Variants in TMEM132D observed in about 807,000 individuals in gnomAD.
TMEM132D encodes transmembrane protein 132D.
TMEM132D carries 21 observed loss-of-function variants against 62.3 expected under a neutral mutation model. The observed-to-expected ratio is 0.34, with a 90% CI of 0.24 to 0.49. The LOEUF is 0.49. TMEM132D is among the 20% of genes least tolerant of loss of function. The probability of loss-of-function intolerance (pLI) is 0.99; values close to 1 mark genes in which losing one functional copy is unlikely to be tolerated. For missense variants in TMEM132D, 1,346 were observed against 1,402.8 expected, an observed-to-expected ratio of 0.96 and a Z score of 0.65; for synonymous variants, 621 against 575.6, an observed-to-expected ratio of 1.08 and a Z score of -1.13.
At chr12:129,709,593 A>G (rs1167037995) in intron 1 of TMEM132D, among the ~76,000 whole-genome samples, 7 of 152,218 alleles carry the variant, frequency 4.6e-5, no homozygotes, top group African/African-American at 1.4e-4. Flanking sequence ...GATTCACCGG[A>G]GTGTGCCTCC....
intron 2 of TMEM132D, among the ~76,000 whole-genome samples, chr12:129,616,345 G>A (rs1001111883): frequency 2.0e-5 from 3 of 152,120 alleles, no homozygotes; most frequent in Non-Finnish European, 2.9e-5. Context: ...AGATATTATC[G>A]GGAGAGGGAC....
intron 4 of TMEM132D, among the ~76,000 whole-genome samples, chr12:129,303,668 A>T (rs1881773612): frequency 6.6e-6 from 1 of 152,180 alleles, no homozygotes; most frequent in Admixed American, 6.5e-5. Context: ...AGCAGAGCCA[A>T]CAGGATATAC....
At chr12:129,786,671 A>T (rs1030214548) in intron 1 of TMEM132D, among the ~76,000 whole-genome samples, 2 of 152,200 alleles carry the variant, frequency 1.3e-5, no homozygotes, top group African/African-American at 2.4e-5. Context: ...CGGGCAGATC[A>T]CCTGAGGTCG....
At chr12:129,406,259 A>G (rs1446370519) in intron 3 of TMEM132D, among the ~76,000 whole-genome samples, 1 of 152,226 alleles carries the variant, frequency 6.6e-6, no homozygotes, top group African/African-American at 2.4e-5. Flanking sequence ...TTACAAAAAT[A>G]TATCCATATA....
At chr12:129,828,738 A>G (rs1475286766) in intron 1 of TMEM132D, among the ~76,000 whole-genome samples, 2 of 7,060 alleles carry the variant, frequency 2.8e-4, no homozygotes, top group African/African-American at 6.1e-4. Flanking sequence ...GAGGGAGGAA[A>G]GGAGGGAGGG....
At position 129,870,274 on chromosome 12, in the gene TMEM132D, T is replaced by C. The variant is rs141665317; in HGVS notation, c.79+32987A>G. On this transcript the variant is annotated intron_variant, in intron 1 of 8. Coordinates refer to ENST00000422113, the MANE Select transcript of TMEM132D (RefSeq NM_133448.3). ...CTGAGATTACAGGCATGAGCCACCA[T>C]GCCAGCCACGCCTGGGTTTATGCTA... Among the ~76,000 whole-genome samples the C allele has an allele frequency of 1.6e-3, 244 of 152,240 alleles. 3 individuals carry two copies. The highest frequency in any genetic ancestry group is 5.3e-3 in the African/African-American group (220 of 41,552).
intron 4 of TMEM132D, among the ~76,000 whole-genome samples, chr12:129,332,329 G>GA (rs1272466889): frequency 6.6e-6 from 1 of 151,854 alleles, no homozygotes; most frequent in Non-Finnish European, 1.5e-5. Context: ...ACATTAGGGG[G>GA]AAAAAAGGCA....
chr12:129,088,013 C>CG lies in TMEM132D; in HGVS notation c.1444-3312dup, dbSNP rs750207779. Among the ~76,000 whole-genome samples the CG allele has an allele frequency of 4.5e-4, 24 of 53,152 alleles. 1 individual carries two copies. Among genetic ancestry groups the CG allele is most frequent in the African/African-American group, 1.0e-3 (16 of 16,066 alleles). The allele number at this position is 53,152 out of a possible 152,430, so 34.9% of individuals were successfully genotyped here. A position where few individuals can be genotyped will look rare whatever the true frequency, so the allele number is the denominator to read the frequency against. ...CCATGACCGGGGTGTCCTCCATGAC[C>CG]GGGTGTCCTCCATGACCGGGGTGTC... On this transcript the variant is annotated intron_variant, in intron 5 of 8. Transcript: ENST00000422113.
intron 2 of TMEM132D, among the ~76,000 whole-genome samples, chr12:129,542,055 C>T (rs1876597434): frequency 6.6e-6 from 1 of 152,182 alleles, no homozygotes; most frequent in African/African-American, 2.4e-5. Flanking sequence ...TCTAATCAGC[C>T]TCATAAGTTC....
At chr12:129,885,469 G>A (rs989373771) in intron 1 of TMEM132D, among the ~76,000 whole-genome samples, 1 of 152,174 alleles carries the variant, frequency 6.6e-6, no homozygotes, top group African/African-American at 2.4e-5. Context: ...CCAATGCTTG[G>A]AACTGATCCT....
At chr12:129,683,871 T>A (rs1286640755) in intron 2 of TMEM132D, among the ~76,000 whole-genome samples, 2 of 152,138 alleles carry the variant, frequency 1.3e-5, no homozygotes, top group Non-Finnish European at 2.9e-5. Flanking sequence ...CTGGATGCAG[T>A]GATGACCCAA....
intron 2 of TMEM132D, among the ~76,000 whole-genome samples, chr12:129,642,596 C>G (rs1408230341): frequency 6.6e-6 from 1 of 152,206 alleles, no homozygotes; most frequent in Non-Finnish European, 1.5e-5. Flanking sequence ...TGGCTCTATC[C>G]TTTGGGGTAG....
chr12:129,258,448 T>C (rs540169083), intron 4 of TMEM132D, among the ~76,000 whole-genome samples: 2 of 152,276 alleles, frequency 1.3e-5, no homozygotes, highest in South Asian at 2.1e-4. Context: ...TATCCTCAAA[T>C]TGAGAAATAA....
chr12:129,559,449 A>G (rs1290239599), intron 2 of TMEM132D, among the ~76,000 whole-genome samples: 2 of 152,236 alleles, frequency 1.3e-5, no homozygotes, highest in Non-Finnish European at 2.9e-5. Flanking sequence ...TCGTAGATGA[A>G]CAATCACAGC....
intron 5 of TMEM132D, among the ~76,000 whole-genome samples, chr12:129,125,500 GTTTTTTTTT>G (rs397850884): frequency 1.9e-5 from 1 of 53,894 alleles, no homozygotes; most frequent in African/African-American, 5.4e-5. Context: ...ATTACTATGA[GTTTTTTTTT>G]TTTTTTTTTT....
chr12:129,596,393 T>C (rs1173718712), intron 2 of TMEM132D, among the ~76,000 whole-genome samples: 1 of 152,150 alleles, frequency 6.6e-6, no homozygotes, highest in Admixed American at 6.5e-5. Context: ...TATACATGAA[T>C]ATACATGTAT....
chr12:129,268,913 G>A (rs1011094367), intron 4 of TMEM132D, among the ~76,000 whole-genome samples: 7 of 150,346 alleles, frequency 4.7e-5, no homozygotes, highest in African/African-American at 7.3e-5. Flanking sequence ...GCAAACTATC[G>A]CAAGGACAAA....
At chr12:129,449,701 C>T (rs902913724) in intron 3 of TMEM132D, among the ~76,000 whole-genome samples, 1 of 152,310 alleles carries the variant, frequency 6.6e-6, no homozygotes, top group Admixed American at 6.5e-5. Flanking sequence ...AATCTCAGCA[C>T]ACCAAGTGTG....
intron 1 of TMEM132D, among the ~76,000 whole-genome samples, chr12:129,871,824 G>A (rs1470927780): frequency 2.0e-5 from 3 of 152,170 alleles, no homozygotes; most frequent in African/African-American, 7.2e-5. Flanking sequence ...GGCTATATGG[G>A]AAGTTCCAAG....
Sources: gnomAD v4.1 joint callset for allele counts (sites outside exome capture counted in the v4.1 genomes callset) on GRCh38, gnomAD v4.1.1 for gene constraint, MANE v1.5 for transcripts, NCBI Gene and HGNC (gene_info 2026-07-23, HGNC 2026-07-21) for gene names.